The following FYB1 variants were observed in gnomAD, a reference collection of about 807,000 sequenced individuals.
FYB1 encodes FYN-binding protein 1.
FYB1 carries 41 observed loss-of-function variants against 94.1 expected under a neutral mutation model. The ratio of observed to expected loss-of-function variants is 0.44; its 90% CI spans 0.34 to 0.57. The LOEUF (loss-of-function observed/expected upper bound fraction) is 0.57. Ranked by LOEUF, FYB1 falls within the 20% of genes least tolerant of loss-of-function variation. The pLI is 0.02. For missense variants in FYB1, 1,050 were observed against 976.8 expected (o/e 1.07, Z -1.00); for synonymous variants, 367 against 353.2 (o/e 1.04, Z -0.44).
intron 5 of FYB1, 161 bp from the exon 6 acceptor site, chr5:39,138,852 T>C: frequency 4.6e-6 from 3 of 657,224 alleles, no homozygotes; most frequent in East Asian, 5.7e-5. Context: ...GGAGCCATAC[T>C]GTGAATTATT....
At chr5:39,274,377 T>G (rs1752737122) in intron 1 of FYB1, 1 of 152,186 alleles carries the variant, frequency 6.6e-6, no homozygotes, top group East Asian at 1.9e-4. Flanking sequence ...ACCCCTGAGA[T>G]AGAACAGAGG....
At chr5:39,229,364 C>T (rs1382078721) in intron 1 of FYB1, among the ~76,000 whole-genome samples, 1 of 152,006 alleles carries the variant, frequency 6.6e-6, no homozygotes, top group East Asian at 1.9e-4. Context: ...AAGAGAGTGA[C>T]TATAAAAGAA....
intron 1 of FYB1, among the ~76,000 whole-genome samples, chr5:39,253,493 G>A (rs1751813170): frequency 6.6e-6 from 1 of 152,146 alleles, no homozygotes; most frequent in African/African-American, 2.4e-5. Context: ...TTTAGGTTCA[G>A]GGGTTCATAT....
At chr5:39,169,631 G>A in intron 2 of FYB1, 1 of 446,512 alleles carries the variant, frequency 2.2e-6, no homozygotes. Context: ...GATTACCTGA[G>A]GTCAGGAGTT....
At chr5:39,252,449 T>C (rs1229337431) in intron 1 of FYB1, among the ~76,000 whole-genome samples, 4 of 152,226 alleles carry the variant, frequency 2.6e-5, no homozygotes, top group Non-Finnish European at 5.9e-5. Context: ...TTCTTTAATA[T>C]ATTTTTGATC....
chr5:39,248,024 T>A (rs1003109182), intron 1 of FYB1, among the ~76,000 whole-genome samples: 1 of 152,160 alleles, frequency 6.6e-6, no homozygotes, highest in Non-Finnish European at 1.5e-5. Context: ...AGAAGAAAGT[T>A]ATTTCTATTT....
chr5:39,115,852 C>T (rs1227392736), intron 16 of FYB1, among the ~76,000 whole-genome samples: 1 of 152,174 alleles, frequency 6.6e-6, no homozygotes, highest in African/African-American at 2.4e-5. Context: ...CCTAGTGCCT[C>T]TCCCTTACAC....
At chr5:39,227,748 C>T (rs1424880634) in intron 1 of FYB1, among the ~76,000 whole-genome samples, 1 of 152,124 alleles carries the variant, frequency 6.6e-6, no homozygotes, top group Admixed American at 6.6e-5. Context: ...TGCCTGAATC[C>T]AGTAGGCCTT....
Position 39,126,141 on chromosome 5 carries a change from G to A in FYB1, c.1908-6C>T, listed in dbSNP as rs778067764. The A allele has an allele frequency of 1.2e-6, 2 of 1,612,806 alleles. No homozygotes were observed. Among genetic ancestry groups the A allele is most frequent in the Admixed American group, 1.7e-5 (1 of 59,860 alleles). On this transcript the variant is annotated splice_region_variant and splice_polypyrimidine_tract_variant and intron_variant, in intron 11 of 18. Transcript: ENST00000512982. ...CTTGAACCTGTAGTGTGGAGCTTTGGAGCATGCAGGCATTGATCAGAATGT... is the reference window on the plus strand; with the variant it reads ...CTTGAACCTGTAGTGTGGAGCTTTGAAGCATGCAGGCATTGATCAGAATGT...
chr5:39,258,473 G>A (rs1033825998), intron 1 of FYB1, among the ~76,000 whole-genome samples: 1 of 152,108 alleles, frequency 6.6e-6, no homozygotes, highest in Non-Finnish European at 1.5e-5. Context: ...GGTGGTGCAT[G>A]TCTGTGATTC....
At chr5:39,257,938 C>G (rs1752034333) in intron 1 of FYB1, among the ~76,000 whole-genome samples, 2 of 152,266 alleles carry the variant, frequency 1.3e-5, no homozygotes, top group East Asian at 3.9e-4. Context: ...ACCACTGATC[C>G]AAAGCGTCTT....
intron 2 of FYB1, among the ~76,000 whole-genome samples, chr5:39,159,827 A>T (rs889071069): frequency 6.6e-6 from 1 of 152,248 alleles, no homozygotes; most frequent in African/African-American, 2.4e-5. Context: ...ATCAAGCAAG[A>T]AACATTCACT....
At chr5:39,117,554 C>T (rs937489439) in intron 16 of FYB1, among the ~76,000 whole-genome samples, 1 of 152,116 alleles carries the variant, frequency 6.6e-6, no homozygotes, top group African/African-American at 2.4e-5. Flanking sequence ...TGCCCTTTAT[C>T]TTTTGTACCC....
intron 1 of FYB1, 117 bp from the exon 2 acceptor site, chr5:39,203,104 G>A: frequency 1.2e-6 from 1 of 801,394 alleles, no homozygotes; most frequent in East Asian, 2.6e-5. Flanking sequence ...TGATTGGTTA[G>A]CAAGATATTG....
At chr5:39,238,946 C>T (rs1751089762) in intron 1 of FYB1, among the ~76,000 whole-genome samples, 1 of 152,028 alleles carries the variant, frequency 6.6e-6, no homozygotes, top group African/African-American at 2.4e-5. Flanking sequence ...ACCTGACTTG[C>T]TCATGGAGAC....
At chr5:39,171,491 A>G (rs779080724) in intron 2 of FYB1, among the ~76,000 whole-genome samples, 77 of 152,156 alleles carry the variant, frequency 5.1e-4, no homozygotes, top group Non-Finnish European at 9.3e-4. Flanking sequence ...GTGTTTTAAT[A>G]AGCTCTCTAG....
At chr5:39,199,319 C>T (rs1748110785) in intron 2 of FYB1, among the ~76,000 whole-genome samples, 1 of 152,008 alleles carries the variant, frequency 6.6e-6, no homozygotes, top group Non-Finnish European at 1.5e-5. Flanking sequence ...CTTAGTATTT[C>T]TAGCATTGTT....
chr5:39,143,554 C>T (rs1364682786), intron 3 of FYB1, among the ~76,000 whole-genome samples: 1 of 150,316 alleles, frequency 6.7e-6, no homozygotes, highest in African/African-American at 2.5e-5. Context: ...CTTTTGCCAT[C>T]TTTCTAACAC....
chr5:39,150,091 AT>A (rs1056852128), intron 3 of FYB1, among the ~76,000 whole-genome samples: 1 of 151,820 alleles, frequency 6.6e-6, no homozygotes, highest in African/African-American at 2.4e-5. Flanking sequence ...CTAGGAGGCC[AT>A]TTTTTTTCGA....
Sources: gnomAD v4.1 joint callset for allele counts (sites outside exome capture counted in the v4.1 genomes callset) on GRCh38, gnomAD v4.1.1 for gene constraint, MANE v1.5 for transcripts, NCBI Gene and HGNC (gene_info 2026-07-23, HGNC 2026-07-21) for gene names.